The following SLC4A4 variants were observed in gnomAD, a reference collection of about 807,000 sequenced individuals.
SLC4A4 encodes the protein solute carrier family 4 member 4, also known as electrogenic sodium bicarbonate cotransporter 1.
A neutral mutation model predicts 111.5 loss-of-function variants in SLC4A4; 27 were observed. That is an observed-to-expected ratio of 0.24 (90% CI 0.18 to 0.33). The LOEUF is 0.33. SLC4A4 is among the 10% of genes least tolerant of loss of function. The pLI is 1.00. For synonymous variants in SLC4A4, 443 were observed against 463.4 expected (o/e 0.96, Z 0.57); for missense variants, 909 against 1,315.5 (o/e 0.69, Z 4.78).
chr4:71,268,057 T>C (rs1722418349), intron 3 of SLC4A4, among the ~76,000 whole-genome samples: 2 of 144,168 alleles, frequency 1.4e-5, no homozygotes, highest in Non-Finnish European at 3.0e-5. Context: ...ATGATATCAG[T>C]GTGCCAAATA....
chr4:71,325,238 T>C (rs2148871437), intron 3 of SLC4A4, among the ~76,000 whole-genome samples: 1 of 151,958 alleles, frequency 6.6e-6, no homozygotes, highest in South Asian at 2.1e-4. Flanking sequence ...AAACTTGGAT[T>C]CCATTAAAAA....
intron 2 of SLC4A4, among the ~76,000 whole-genome samples, chr4:71,177,854 A>C (rs1293705774): frequency 6.6e-6 from 1 of 152,214 alleles, no homozygotes; most frequent in East Asian, 1.9e-4. Flanking sequence ...GGAACTCTCC[A>C]CCCCAAATCA....
intron 7 of SLC4A4, among the ~76,000 whole-genome samples, chr4:71,411,997 C>T (rs1054983425): frequency 1.3e-5 from 2 of 152,158 alleles, no homozygotes; most frequent in African/African-American, 4.8e-5. Context: ...GCATGTATTG[C>T]TCTGCTAAAC....
chr4:71,264,975 G>C (rs6826731), intron 3 of SLC4A4, among the ~76,000 whole-genome samples: 134,510 of 152,202 alleles, frequency 0.88, 61,262 homozygotes, highest in Non-Finnish European at 0.99. Flanking sequence ...GGAAAGTTTT[G>C]TGAGCTATTG....
chr4:71,507,467 T>C (rs949974743), intron 16 of SLC4A4, among the ~76,000 whole-genome samples: 7 of 152,088 alleles, frequency 4.6e-5, no homozygotes, highest in Admixed American at 2.6e-4. Flanking sequence ...CAAAACAGAC[T>C]TCAAACCAAC....
intron 2 of SLC4A4, among the ~76,000 whole-genome samples, chr4:71,117,023 C>T (rs1169068158): frequency 6.6e-6 from 1 of 152,030 alleles, no homozygotes; most frequent in Non-Finnish European, 1.5e-5. Context: ...ATTGTCCAGG[C>T]TTGAGTACAG....
intron 2 of SLC4A4, among the ~76,000 whole-genome samples, chr4:71,114,033 G>T (rs891870930): frequency 1.3e-5 from 2 of 152,036 alleles, no homozygotes; most frequent in East Asian, 1.9e-4. Flanking sequence ...GGATCACGAG[G>T]TCAGGAGATT....
At chr4:71,206,099 T>C (rs1010211022) in intron 1 of SLC4A4, among the ~76,000 whole-genome samples, 14 of 152,200 alleles carry the variant, frequency 9.2e-5, no homozygotes, top group Non-Finnish European at 2.1e-4. Context: ...ATAAGCAAAG[T>C]AGTTATTTTC....
At chr4:71,543,893 G>T (rs1197638840) in intron 18 of SLC4A4, among the ~76,000 whole-genome samples, 1 of 73,776 alleles carries the variant, frequency 1.4e-5, no homozygotes, top group Non-Finnish European at 3.3e-5. Context: ...TTACAATAAA[G>T]TGTTACATTT....
chr4:71,107,411 C>T (rs1742962682), intron 2 of SLC4A4, among the ~76,000 whole-genome samples: 1 of 151,786 alleles, frequency 6.6e-6, no homozygotes, highest in Non-Finnish European at 1.5e-5. Context: ...CAGTGGTGCC[C>T]TCTCGGCTCA....
chr4:71,252,083 A>G (rs1179489174), intron 2 of SLC4A4, among the ~76,000 whole-genome samples: 2 of 152,168 alleles, frequency 1.3e-5, no homozygotes, highest in Non-Finnish European at 2.9e-5. Flanking sequence ...TATCCCTTAA[A>G]CAGGTAAAGA....
At chr4:71,430,528 T>G (rs1723542108) in intron 7 of SLC4A4, among the ~76,000 whole-genome samples, 2 of 152,134 alleles carry the variant, frequency 1.3e-5, no homozygotes, top group Admixed American at 1.3e-4. Flanking sequence ...AATACACTTT[T>G]GTATCTGGGC....
rs1043218 is a variant in SLC4A4 at position 71,570,518 on chromosome 4, A to G, written c.*2767A>G. 108,426 of 152,000 alleles carry G rather than the reference A, an allele frequency of 0.71. 39,290 individuals are homozygous for G. Among genetic ancestry groups the G allele is most frequent in the Middle Eastern group, 0.81 (237 of 294 alleles). 9.4% of individuals were successfully genotyped at this position (152,000 alleles called of 1,614,324 possible). ...TTTACCCATTGACTAAGAATGAACC[A>G]GATTTGGTGGTGGTTTTGTTTCTAT... On this transcript the variant is annotated 3_prime_UTR_variant, in exon 26 of 26. Coordinates refer to ENST00000264485, the MANE Select transcript of SLC4A4 (RefSeq NM_001098484.3).
chr4:71,248,426 A>G lies in SLC4A4; in HGVS notation c.74-6794A>G, dbSNP rs939286946. Among the ~76,000 whole-genome samples the G allele has an allele frequency of 3.1e-4, 46 of 150,556 alleles. No individual in the cohort carries two copies. In the South Asian group the frequency reaches 3.5e-3, roughly 12 times the overall value. On this transcript the variant is annotated intron_variant, in intron 2 of 25. Transcript: ENST00000264485. ...TAGATATATAGATATTTGTATAGGT[A>G]AATTTATATCTATATAGATATAATT...
chr4:71,220,833 C>T (rs1346427004), intron 1 of SLC4A4, among the ~76,000 whole-genome samples: 1 of 151,996 alleles, frequency 6.6e-6, no homozygotes, highest in Non-Finnish European at 1.5e-5. Flanking sequence ...AAGCCCAGTA[C>T]CCAATAGTTG....
chr4:71,357,740 G>T (rs1420287579), intron 6 of SLC4A4, among the ~76,000 whole-genome samples: 4 of 152,194 alleles, frequency 2.6e-5, no homozygotes, highest in Non-Finnish European at 5.9e-5. Context: ...ATAGATCCAA[G>T]AATAATTATT....
At chr4:71,528,171 C>T (rs1166351084) in intron 16 of SLC4A4, among the ~76,000 whole-genome samples, 3 of 152,084 alleles carry the variant, frequency 2.0e-5, no homozygotes, top group Non-Finnish European at 2.9e-5. Flanking sequence ...TACACATATC[C>T]TGCTATCAGA....
chr4:71,089,235 T>C (rs1325046958), intron 1 of SLC4A4, among the ~76,000 whole-genome samples: 1 of 152,052 alleles, frequency 6.6e-6, no homozygotes, highest in Non-Finnish European at 1.5e-5. Flanking sequence ...TGTGCCATGG[T>C]TTTCAGCTCC....
At chr4:71,424,591 C>T (rs1449299271) in intron 7 of SLC4A4, among the ~76,000 whole-genome samples, 2 of 151,972 alleles carry the variant, frequency 1.3e-5, no homozygotes, top group Non-Finnish European at 2.9e-5. Flanking sequence ...GGAACCAACC[C>T]AAATGTCCAA....
Sources: allele counts gnomAD v4.1 joint callset (sites outside exome capture counted in the v4.1 genomes callset), GRCh38; gene constraint gnomAD v4.1.1; transcripts MANE v1.5; gene names NCBI Gene and HGNC (gene_info 2026-07-23, HGNC 2026-07-21).